Variants in ARHGAP26 observed in about 807,000 individuals in gnomAD.
ARHGAP26 encodes the protein rho GTPase-activating protein 26.
ARHGAP26 carries 38 observed loss-of-function variants against 104.8 expected under a neutral mutation model. The ratio of observed to expected loss-of-function variants is 0.36; its 90% CI spans 0.28 to 0.48. The LOEUF is 0.48. Among genes scored for constraint, ARHGAP26 ranks in the 20% least tolerant of loss-of-function variants. The pLI is 0.99. For missense variants in ARHGAP26, 704 were observed against 947.9 expected, an observed-to-expected ratio of 0.74 and a Z score of 3.38; for synonymous variants, 341 against 340.0, an observed-to-expected ratio of 1.00 and a Z score of -0.03.
chr5:143,195,435 G>C (rs947523024), intron 20 of ARHGAP26, among the ~76,000 whole-genome samples: 2 of 152,094 alleles, frequency 1.3e-5, no homozygotes, highest in Non-Finnish European at 2.9e-5. Flanking sequence ...GTCCAAACAG[G>C]AAATATTCCC....
chr5:143,013,939 T>C (rs974320147), intron 11 of ARHGAP26, 141 bp from the exon 12 acceptor site: 47 of 720,608 alleles, frequency 6.5e-5, no homozygotes, highest in Non-Finnish European at 1.0e-4. Context: ...AATTATTGAA[T>C]GGGTTCATGT....
chr5:142,993,042 C>T (rs1005280688), intron 11 of ARHGAP26, among the ~76,000 whole-genome samples: 44 of 151,812 alleles, frequency 2.9e-4, no homozygotes, highest in Middle Eastern at 6.3e-3. Flanking sequence ...AGTGCAGTGG[C>T]GGGATCTCGG....
intron 17 of ARHGAP26, among the ~76,000 whole-genome samples, chr5:143,074,179 GTTAA>G (rs1232301664): frequency 6.6e-6 from 1 of 151,840 alleles, no homozygotes; most frequent in Non-Finnish European, 1.5e-5. Context: ...ACATTAATTA[GTTAA>G]TTAGTGACCT....
At chr5:143,125,955 T>C (rs557965227) in intron 18 of ARHGAP26, among the ~76,000 whole-genome samples, 1 of 152,336 alleles carries the variant, frequency 6.6e-6, no homozygotes, top group East Asian at 1.9e-4. Flanking sequence ...ACCCAAGCTA[T>C]TAAAATCTAC....
chr5:143,175,296 A>G (rs1803310980), intron 20 of ARHGAP26, among the ~76,000 whole-genome samples: 1 of 152,242 alleles, frequency 6.6e-6, no homozygotes, highest in Admixed American at 6.5e-5. Flanking sequence ...CTTGAAAGGC[A>G]GCTCATGAGA....
At chr5:142,834,601 C>T (rs1463952717) in intron 1 of ARHGAP26, among the ~76,000 whole-genome samples, 2 of 152,146 alleles carry the variant, frequency 1.3e-5, no homozygotes, top group African/African-American at 4.8e-5. Flanking sequence ...ACATTCAGGG[C>T]GGGGACCACA....
At chr5:143,123,233 C>A (rs1190225522) in intron 18 of ARHGAP26, among the ~76,000 whole-genome samples, 1 of 152,208 alleles carries the variant, frequency 6.6e-6, no homozygotes, top group Non-Finnish European at 1.5e-5. Flanking sequence ...AGAACATGTA[C>A]ATTACTCTGG....
chr5:143,095,016 A>G (rs970789644), intron 17 of ARHGAP26, among the ~76,000 whole-genome samples: 6 of 152,304 alleles, frequency 3.9e-5, no homozygotes, highest in Non-Finnish European at 7.3e-5. Context: ...CTAACAATAA[A>G]TAGACTCATG....
intron 20 of ARHGAP26, chr5:143,203,697 A>C: frequency 6.6e-6 from 1 of 152,252 alleles, no homozygotes; most frequent in East Asian, 1.9e-4. Context: ...GATAGACTGG[A>C]TAAAGAAAAT....
intron 1 of ARHGAP26, 26 bp downstream of exon 1, chr5:142,770,941 C>A: frequency 6.3e-7 from 1 of 1,585,084 alleles, no homozygotes; most frequent in Non-Finnish European, 8.6e-7. Context: ...CCCTCGGGGA[C>A]GCGGCTCCGG....
intron 5 of ARHGAP26, among the ~76,000 whole-genome samples, chr5:142,888,313 C>G (rs557884063): frequency 6.6e-6 from 1 of 152,202 alleles, no homozygotes; most frequent in Non-Finnish European, 1.5e-5. Flanking sequence ...TGTTGAGGCT[C>G]TCTTGCCTGC....
chr5:142,914,879 GT>G (rs1762278925), intron 10 of ARHGAP26, among the ~76,000 whole-genome samples: 1 of 152,158 alleles, frequency 6.6e-6, no homozygotes, highest in African/African-American at 2.4e-5. Flanking sequence ...CTTGAAGGAG[GT>G]TCAGAAGATC....
intron 11 of ARHGAP26, among the ~76,000 whole-genome samples, chr5:142,942,264 A>G (rs762406851): frequency 3.3e-5 from 5 of 152,238 alleles, no homozygotes; most frequent in Non-Finnish European, 7.3e-5. Context: ...CCATGGATAC[A>G]TTTGGCAATC....
intron 17 of ARHGAP26, among the ~76,000 whole-genome samples, chr5:143,096,713 A>G (rs1562416682): frequency 6.6e-6 from 1 of 151,356 alleles, no homozygotes; most frequent in Non-Finnish European, 1.5e-5. Flanking sequence ...GTGAGTGTGT[A>G]GCAGTGAAGA....
At chr5:143,183,902 A>G (rs1599408625) in intron 20 of ARHGAP26, among the ~76,000 whole-genome samples, 1 of 152,182 alleles carries the variant, frequency 6.6e-6, no homozygotes, top group Admixed American at 6.5e-5. Context: ...CTTAAGTTTC[A>G]GTAGAAGTTT....
chr5:143,047,381 G>A (rs1313384118), intron 14 of ARHGAP26, among the ~76,000 whole-genome samples: 1 of 152,194 alleles, frequency 6.6e-6, no homozygotes, highest in Non-Finnish European at 1.5e-5. Context: ...ATGTGAGGAT[G>A]GAATGAAAAG....
chr5:142,987,167 TCG>T (rs1301123220), intron 11 of ARHGAP26, among the ~76,000 whole-genome samples: 13 of 152,350 alleles, frequency 8.5e-5, no homozygotes, highest in African/African-American at 3.1e-4. Flanking sequence ...CTCTTTTATT[TCG>T]TTGAGCAGTG....
intron 1 of ARHGAP26, among the ~76,000 whole-genome samples, chr5:142,824,441 C>G (rs1766811624): frequency 6.6e-6 from 1 of 152,212 alleles, no homozygotes; most frequent in Admixed American, 6.5e-5. Context: ...ACTGGTTTAG[C>G]TGACATCCCA....
Position 143,215,104 on chromosome 5 carries a change from C to A in ARHGAP26, c.2191+1016C>A, listed in dbSNP as rs917321470. 3.3e-5 allele frequency among the ~76,000 whole-genome samples: 5 copies of A among 152,364 alleles called. No individual in the cohort carries two copies. The South Asian group carries it at 1.0e-3, about 32-fold the overall frequency. On this transcript the variant is annotated intron_variant, in intron 22 of 22. Coordinates refer to ENST00000645722, the MANE Select transcript of ARHGAP26 (RefSeq NM_001135608.3). ...AGGCCCAGGCGGCGGAGTCCTGGCC[C>A]TGCCGTAACATGACACGGCCCTTGC... is the stretch of plus-strand genomic sequence containing the variant.
Sources: allele counts gnomAD v4.1 joint callset (sites outside exome capture counted in the v4.1 genomes callset), GRCh38; gene constraint gnomAD v4.1.1; transcripts MANE v1.5; gene names NCBI Gene and HGNC (gene_info 2026-07-23, HGNC 2026-07-21).